The following MRAS variants were observed in gnomAD, a reference collection of about 807,000 sequenced individuals.
The protein encoded by MRAS is ras-related protein M-Ras.
A neutral mutation model predicts 20.9 loss-of-function variants in MRAS; 4 were observed. That is an observed-to-expected ratio of 0.19 (90% CI 0.09 to 0.44). MRAS has a LOEUF of 0.44. Among genes scored for constraint, MRAS ranks in the 20% least tolerant of loss-of-function variants. MRAS has a pLI of 0.99. For missense variants in MRAS, 154 were observed against 277.5 expected, an observed-to-expected ratio of 0.56 and a Z score of 3.16; for synonymous variants, 98 against 102.9, an observed-to-expected ratio of 0.95 and a Z score of 0.29.
intron 1 of MRAS, chr3:138,349,203 A>G (rs2054176834): frequency 6.6e-6 from 1 of 152,310 alleles, no homozygotes; most frequent in Non-Finnish European, 1.5e-5. Context: ...TCTGAATAAT[A>G]AAACGCAGCC....
intron 5 of MRAS, 54 bp downstream of exon 5, chr3:138,400,667 G>A: frequency 1.1e-5 from 16 of 1,461,042 alleles, no homozygotes; most frequent in Non-Finnish European, 1.5e-5. Context: ...GTTGGCTCCT[G>A]GAGGCAGCTG....
At chr3:138,370,671 C>T (rs4678260) in intron 1 of MRAS, among the ~76,000 whole-genome samples, 89,839 of 152,012 alleles carry the variant, frequency 0.59, 27,610 homozygotes, top group East Asian at 0.73. Flanking sequence ...AATCCCCACT[C>T]GAATGAGAGG....
chr3:138,351,209 CAG>C (rs1166025110), intron 1 of MRAS, among the ~76,000 whole-genome samples: 4 of 152,040 alleles, frequency 2.6e-5, no homozygotes, highest in Non-Finnish European at 5.9e-5. Context: ...TGCCCCCAAA[CAG>C]AGTGTGTCTC....
intron 1 of MRAS, among the ~76,000 whole-genome samples, chr3:138,358,966 T>G (rs566462495): frequency 6.6e-6 from 1 of 152,224 alleles, no homozygotes; most frequent in South Asian, 2.1e-4. Context: ...AACAATAGTT[T>G]TACACAGAGA....
chr3:138,358,628 G>T (rs922673057), intron 1 of MRAS, among the ~76,000 whole-genome samples: 2 of 152,256 alleles, frequency 1.3e-5, no homozygotes, highest in African/African-American at 2.4e-5. Context: ...GGGCATTGGA[G>T]ATACAGTGGA....
intron 2 of MRAS, among the ~76,000 whole-genome samples, chr3:138,389,576 G>A (rs1396451797): frequency 8.2e-5 from 12 of 146,840 alleles, no homozygotes; most frequent in Non-Finnish European, 1.5e-5. Context: ...CGGCCCAGCC[G>A]GTTCTAGGAT....
At chr3:138,394,328 A>G (rs2108555944) in intron 2 of MRAS, among the ~76,000 whole-genome samples, 1 of 152,286 alleles carries the variant, frequency 6.6e-6, no homozygotes, top group South Asian at 2.1e-4. Context: ...AAGGAGCAGA[A>G]GTAGCCATGA....
At chr3:138,370,122 A>G (rs984340944) in intron 1 of MRAS, among the ~76,000 whole-genome samples, 7 of 152,150 alleles carry the variant, frequency 4.6e-5, no homozygotes, top group Non-Finnish European at 1.0e-4. Context: ...GAGCAAAATC[A>G]TCCTGGCCAA....
chr3:138,385,345 C>T (rs986636895), intron 2 of MRAS, among the ~76,000 whole-genome samples: 30 of 150,582 alleles, frequency 2.0e-4, no homozygotes, highest in Admixed American at 4.6e-4. Flanking sequence ...GGGGTTCTCA[C>T]TTTGTTGCCC....
At chr3:138,396,720 T>G (rs1177119860) in intron 2 of MRAS, among the ~76,000 whole-genome samples, 1 of 151,962 alleles carries the variant, frequency 6.6e-6, no homozygotes, top group Non-Finnish European at 1.5e-5. Flanking sequence ...TAGGAGGAAG[T>G]GCCCTGGCTG....
chr3:138,372,667 G>A (rs920245541), intron 1 of MRAS, among the ~76,000 whole-genome samples, 199 bp from the exon 2 acceptor site: 1 of 152,192 alleles, frequency 6.6e-6, no homozygotes, highest in Admixed American at 6.5e-5. Flanking sequence ...AATAAATGAT[G>A]GTTGAATAAA....
In MRAS at chr3:138,397,275, G is replaced by A. The variant is rs201277535; in HGVS notation, c.194-49G>A. On this transcript the variant is annotated intron_variant, in intron 2 of 5. Coordinates refer to ENST00000423968, the MANE Select transcript of MRAS (RefSeq NM_001085049.3). ...TGTTGGAGTCTTGCAGGCTGTGGGG[G>A]CTACAGGGTAGGTGAGGACAGCCCC... The A allele has an allele frequency of 7.6e-5, 122 of 1,597,834 alleles. No individual in the cohort carries two copies. In the African/African-American group the frequency reaches 1.3e-3, roughly 16 times the overall value.
Position 138,355,779 on chromosome 3 carries a change from A to G in MRAS, c.-19+7012A>G, listed in dbSNP as rs188186543. Among the ~76,000 whole-genome samples the G allele has an allele frequency of 3.3e-3, 500 of 152,198 alleles. 3 individuals are homozygous for G. Among genetic ancestry groups the G allele is most frequent in the African/African-American group, 0.012 (481 of 41,518 alleles). ...AACTCCGTCTCTACTAAAAATATAA[A>G]ACTTAGCTGGGCGTGGTGGTGTGTG... On this transcript the variant is annotated intron_variant, in intron 1 of 5. Transcript: ENST00000423968.
intron 1 of MRAS, among the ~76,000 whole-genome samples, chr3:138,364,239 C>T (rs951202525): frequency 6.6e-6 from 1 of 152,070 alleles, no homozygotes; most frequent in Admixed American, 6.5e-5. Context: ...ACCTGTGGAA[C>T]CTGCCAGTTT....
chr3:138,360,046 G>T (rs546654794), intron 1 of MRAS, among the ~76,000 whole-genome samples: 1 of 152,342 alleles, frequency 6.6e-6, no homozygotes, highest in Non-Finnish European at 1.5e-5. Context: ...GCAGTCAGCT[G>T]GTGCGGGGTG....
At chr3:138,397,538 T>C (rs773768235) in intron 3 of MRAS, 61 bp downstream of exon 3, 73 of 1,176,160 alleles carry the variant, frequency 6.2e-5, no homozygotes, top group Non-Finnish European at 7.3e-5. Context: ...CCTAGGGCGC[T>C]CTCTCTCTCT....
intron 2 of MRAS, 137 bp from the exon 3 acceptor site, chr3:138,397,187 G>A: frequency 1.9e-6 from 2 of 1,029,600 alleles, no homozygotes; most frequent in Non-Finnish European, 2.8e-6. Flanking sequence ...TAGAGAGAGA[G>A]CTTATGCAGC....
chr3:138,368,155 C>T (rs1362731690), intron 1 of MRAS, among the ~76,000 whole-genome samples: 1 of 152,174 alleles, frequency 6.6e-6, no homozygotes, highest in Non-Finnish European at 1.5e-5. Flanking sequence ...CCCATGGAAA[C>T]AATGCTCTAA....
At chr3:138,359,002 C>A (rs571466346) in intron 1 of MRAS, among the ~76,000 whole-genome samples, 1 of 152,152 alleles carries the variant, frequency 6.6e-6, no homozygotes, top group African/African-American at 2.4e-5. Context: ...CAAGGTTATA[C>A]AGCTAGCAGA....
Sources: allele counts gnomAD v4.1 joint callset (sites outside exome capture counted in the v4.1 genomes callset), GRCh38; gene constraint gnomAD v4.1.1; transcripts MANE v1.5; gene names NCBI Gene and HGNC (gene_info 2026-07-23, HGNC 2026-07-21).